Variants in SNX14 observed in about 807,000 individuals in gnomAD.
SNX14 encodes the protein sorting nexin 14.
Under a neutral mutation model 133.8 loss-of-function variants are expected in SNX14, and 93 were observed. The observed-to-expected ratio is 0.70, with a 90% CI of 0.59 to 0.83. The LOEUF (loss-of-function observed/expected upper bound fraction) is 0.83, where lower values mean the gene tolerates loss of function less well. Ranked by LOEUF, SNX14 falls within the 40% of genes least tolerant of loss-of-function variation. The probability of loss-of-function intolerance (pLI) is 0.00; values close to 1 mark genes in which losing one functional copy is unlikely to be tolerated. For synonymous variants in SNX14, 368 were observed against 365.6 expected (o/e 1.01, Z -0.07); for missense variants, 945 against 1,094.9 (o/e 0.86, Z 1.93).
chr6:85,550,599 AGT>A (rs1014033889), intron 7 of SNX14, among the ~76,000 whole-genome samples: 1 of 151,976 alleles, frequency 6.6e-6, no homozygotes, highest in Non-Finnish European at 1.5e-5. Context: ...CCTTGGCTCA[AGT>A]GATCCTCCGA....
At chr6:85,578,467 A>G (rs756746781) in intron 1 of SNX14, among the ~76,000 whole-genome samples, 15 of 152,152 alleles carry the variant, frequency 9.9e-5, no homozygotes, top group Non-Finnish European at 1.6e-4. Flanking sequence ...GAACTGCTGG[A>G]CATTACTGAG....
rs774185157 is a variant in SNX14 at position 85,572,139 on chromosome 6, CTG to C, written c.413_414del (p.Ser138Ter). The C allele has an allele frequency of 6.2e-7, 1 of 1,612,164 alleles. No individual in the cohort carries two copies. The highest frequency in any genetic ancestry group is 2.2e-5 in the East Asian group (1 of 44,810). On this transcript the variant is annotated frameshift_variant, in exon 4 of 29. Transcript: ENST00000314673. LOFTEE classifies it high-confidence loss of function. Reference protein sequence around the residue: ...KISSKVDASLSEVLELVLENF... With the variant: ...KISSKVDASLXEVLELVLENF... ...ATAATATTAATTAAATCAGTTACCT[CTG>C]AGAGAGATGCATCAACCTTGGAAGA...
At chr6:85,540,110 T>A (rs1471358598) in intron 15 of SNX14, among the ~76,000 whole-genome samples, 2 of 152,006 alleles carry the variant, frequency 1.3e-5, no homozygotes. Context: ...CACAGGTGTG[T>A]TCCATCGCAC....
intron 21 of SNX14, among the ~76,000 whole-genome samples, chr6:85,522,289 G>A (rs1353091082): frequency 2.0e-5 from 3 of 152,116 alleles, no homozygotes; most frequent in East Asian, 3.9e-4. Context: ...CTACTGATTT[G>A]GTGTTATAAG....
intron 7 of SNX14, among the ~76,000 whole-genome samples, chr6:85,553,230 G>A (rs1235790437): frequency 3.3e-5 from 5 of 152,310 alleles, no homozygotes; most frequent in East Asian, 3.9e-4. Flanking sequence ...TACTAAGAAG[G>A]TAAATCAAGG....
At chr6:85,537,733 G>C (rs1405284014) in intron 16 of SNX14, among the ~76,000 whole-genome samples, 1 of 152,210 alleles carries the variant, frequency 6.6e-6, no homozygotes, top group African/African-American at 2.4e-5. Flanking sequence ...CAGATGACCT[G>C]AGGTCAAGAG....
At chr6:85,559,271 A>G (rs1284276472) in intron 6 of SNX14, among the ~76,000 whole-genome samples, 1 of 152,190 alleles carries the variant, frequency 6.6e-6, no homozygotes, top group Non-Finnish European at 1.5e-5. Context: ...ATCACTCTTC[A>G]TTTGCCCTTG....
intron 5 of SNX14, among the ~76,000 whole-genome samples, 155 bp downstream of exon 5, chr6:85,567,379 A>T (rs544433184): frequency 6.6e-6 from 1 of 152,338 alleles, no homozygotes; most frequent in African/African-American, 2.4e-5. Flanking sequence ...TGTAATGCAC[A>T]GTACTGCCCC....
chr6:85,518,033 G>C lies in SNX14; in HGVS notation c.2123C>G (p.Ser708Cys). 1 of 1,605,230 alleles carries C rather than the reference G, an allele frequency of 6.2e-7. No homozygotes were observed. The highest frequency in any genetic ancestry group is 8.5e-7 in the Non-Finnish European group (1 of 1,174,886). ...CTCTTTCATTAGTTTTCCAGGAACA[G>C]ATTTTATAATTTTCCCTGCAATTAA... ...PDVNLGKIIK[S>C]VPGKLMKEKG... is the part of the protein sequence containing the mutation. Residue 708 changes from serine (S) to cysteine (C), a missense_variant, in exon 22 of 29, where the codon TCT (serine) becomes TGT (cysteine). Around this residue, in one of 3 missense-constraint regions of SNX14, gnomAD observed 412 missense variants for 516.6 expected, o/e 0.80. Coordinates refer to ENST00000314673, the MANE Select transcript of SNX14 (RefSeq NM_153816.6).
At chr6:85,557,543 G>T (rs1203404956) in intron 7 of SNX14, among the ~76,000 whole-genome samples, 1 of 152,092 alleles carries the variant, frequency 6.6e-6, no homozygotes, top group Admixed American at 6.6e-5. Flanking sequence ...AGATAGAAAA[G>T]GATTTAAATA....
At chr6:85,513,540 C>T (rs933227177) in intron 26 of SNX14, among the ~76,000 whole-genome samples, 1 of 152,168 alleles carries the variant, frequency 6.6e-6, no homozygotes, top group Non-Finnish European at 1.5e-5. Flanking sequence ...TCACTTTGAC[C>T]AGTCTGACTA....
At position 85,549,664 on chromosome 6, in the gene SNX14, T is replaced by C. The variant is rs924551163; in HGVS notation, c.791+59A>G. The C allele has an allele frequency of 3.5e-6, 5 of 1,423,920 alleles. No individual in the cohort carries two copies. In the African/African-American group the frequency reaches 4.4e-5, roughly 12 times the overall value. The allele number at this position is 1,423,920 out of a possible 1,614,324, so 88.2% of individuals were successfully genotyped here. ...AGCATATGCCTATCATAACCAAAAA[T>C]AGCAATATACATATGGCATGTTATG... On this transcript the variant is annotated intron_variant, in intron 8 of 28. Transcript: ENST00000314673.
intron 20 of SNX14, among the ~76,000 whole-genome samples, chr6:85,527,131 T>G (rs1196219339): frequency 6.6e-6 from 1 of 152,150 alleles, no homozygotes; most frequent in Non-Finnish European, 1.5e-5. Context: ...TCTTAATAGT[T>G]TCCTAACTAT....
chr6:85,511,810 CTT>C (rs1203663678), intron 26 of SNX14, among the ~76,000 whole-genome samples: 4 of 152,190 alleles, frequency 2.6e-5, no homozygotes, highest in African/African-American at 4.8e-5. Context: ...GATACTTGCT[CTT>C]TCTCGTCAAA....
chr6:85,508,563 GA>G (rs1244825555), intron 26 of SNX14: 10 of 209,688 alleles, frequency 4.8e-5, no homozygotes, highest in Middle Eastern at 2.4e-3. Flanking sequence ...CTTAATATCA[GA>G]AAAAAAAAGT....
At chr6:85,583,723 AACC>A (rs1474554340) in intron 1 of SNX14, among the ~76,000 whole-genome samples, 1 of 152,226 alleles carries the variant, frequency 6.6e-6, no homozygotes. Flanking sequence ...GAGAACTACA[AACC>A]ACTGCTCAAG....
chr6:85,531,088 C>G (rs1207028325), intron 18 of SNX14, among the ~76,000 whole-genome samples: 1 of 152,132 alleles, frequency 6.6e-6, no homozygotes, highest in Non-Finnish European at 1.5e-5. Context: ...GCAGCTAATG[C>G]AACTAAAGAA....
In SNX14 at chr6:85,548,287, A is replaced by G. The variant is rs775765341; in HGVS notation, c.867+14T>C. ...GTAATTTGTAACAATTTAAAAAAAA[A>G]TCTTAAGTCTTACTGGATCAGCTAG... On this transcript the variant is annotated intron_variant, in intron 9 of 28. Transcript: ENST00000314673. The G allele has an allele frequency of 6.3e-7, 1 of 1,580,740 alleles. No individual in the cohort carries two copies. The highest frequency in any genetic ancestry group is 1.2e-5 in the South Asian group (1 of 86,176).
intron 2 of SNX14, among the ~76,000 whole-genome samples, chr6:85,573,600 T>C (rs1469252040): frequency 6.6e-6 from 1 of 152,226 alleles, no homozygotes; most frequent in African/African-American, 2.4e-5. Flanking sequence ...AGAAATAAAT[T>C]ACTTTGGTTA....
Sources: allele counts gnomAD v4.1 joint callset (sites outside exome capture counted in the v4.1 genomes callset), GRCh38; gene constraint gnomAD v4.1.1; regional missense constraint gnomAD v4.1.1; transcripts MANE v1.5; gene names NCBI Gene and HGNC (gene_info 2026-07-23, HGNC 2026-07-21).